Variants in ZZEF1 observed in about 807,000 individuals in gnomAD.
The protein encoded by ZZEF1 is zinc finger ZZ-type and EF-hand domain-containing protein 1.
In ZZEF1, 157 loss-of-function variants were observed where a neutral mutation model predicts 342.8. That is an observed-to-expected ratio of 0.46 (90% CI 0.40 to 0.52). The LOEUF is 0.52. Ranked by LOEUF, ZZEF1 falls within the 20% of genes least tolerant of loss-of-function variation. The probability of loss-of-function intolerance (pLI) is 0.00; values close to 1 mark genes in which losing one functional copy is unlikely to be tolerated. For synonymous variants in ZZEF1, 1,505 were observed against 1,429.1 expected (o/e 1.05, Z -1.20); for missense variants, 3,480 against 3,725.6 (o/e 0.93, Z 1.72).
intron 33 of ZZEF1, among the ~76,000 whole-genome samples, chr17:4,056,006 C>T (rs140125845): frequency 3.9e-5 from 6 of 152,218 alleles, no homozygotes; most frequent in Admixed American, 6.5e-5. Context: ...CGCAGCTGAT[C>T]GGACAGGAGG....
At position 4,074,130 on chromosome 17, in the gene ZZEF1, G is replaced by T; in HGVS notation, c.3685+20C>A. 1 of 1,612,620 alleles carries T rather than the reference G, an allele frequency of 6.2e-7. No individual in the cohort carries two copies. Among genetic ancestry groups the T allele is most frequent in the Non-Finnish European group, 8.5e-7 (1 of 1,179,456 alleles). ...TTCACCGTGGTTGTAAGAAGGGAAA[G>T]CACAGGGATGTGCACTTACGGCGCA... On this transcript the variant is annotated intron_variant, in intron 24 of 54. Transcript: ENST00000381638.
In ZZEF1 at chr17:4,058,153, G is replaced by A; in HGVS notation, c.5006C>T (p.Ser1669Phe). 6.2e-7 allele frequency: 1 copy of A among 1,611,846 alleles called. No homozygotes were observed. Among genetic ancestry groups the A allele is most frequent in the Non-Finnish European group, 8.5e-7 (1 of 1,178,882 alleles). ...VKGFSSLNDR[S>F]LLPALSCVQT... The stretch of plus-strand genomic sequence containing the variant: ...AACACAGGATAAGGCAGGGAGCAAG[G>A]ACCTAAAGGGCCATGAAAGTGACCA... Residue 1669 changes from serine (S) to phenylalanine (F), a missense_variant and splice_region_variant, in exon 32 of 55, where the codon TCC becomes TTC. Around this residue, in one of 5 missense-constraint regions of ZZEF1, gnomAD observed 1,528 missense variants for 1,624.1 expected, o/e 0.94. Coordinates refer to ENST00000381638, the MANE Select transcript of ZZEF1 (RefSeq NM_015113.4).
At chr17:4,024,504 C>A (rs1403938649) in intron 43 of ZZEF1, among the ~76,000 whole-genome samples, 1 of 152,000 alleles carries the variant, frequency 6.6e-6, no homozygotes, top group East Asian at 1.9e-4. Flanking sequence ...TGGCCATCGC[C>A]CAGCTTTTCA....
chr17:4,086,512 T>C lies in ZZEF1; in HGVS notation c.2486A>G (p.Lys829Arg), dbSNP rs1312568288. 6.2e-7 allele frequency: 1 copy of C among 1,614,222 alleles called. No individual in the cohort carries two copies. Among genetic ancestry groups the C allele is most frequent in the Non-Finnish European group, 8.5e-7 (1 of 1,180,032 alleles). ...ATCACACAAGTGTGTGTACAGCTCC[T>C]TGGCAGCCTCTACTCCTTTAGGGCT... Reference protein sequence around the residue: ...IQSPKGVEAAKELYTHLCDVV... With the variant: ...IQSPKGVEAARELYTHLCDVV... The change falls in exon 15 of 55, where the codon AAG becomes AGG. Residue 829 changes from lysine to arginine, a missense_variant. Coordinates refer to ENST00000381638, the MANE Select transcript of ZZEF1 (RefSeq NM_015113.4).
At chr17:4,026,944 T>C (rs1284941493) in intron 42 of ZZEF1, among the ~76,000 whole-genome samples, 3 of 152,162 alleles carry the variant, frequency 2.0e-5, no homozygotes, top group Non-Finnish European at 4.4e-5. Flanking sequence ...AACTGAGAGA[T>C]TATGTCACGG....
intron 15 of ZZEF1, among the ~76,000 whole-genome samples, 141 bp downstream of exon 15, chr17:4,086,320 TCCCTTTCTGGGGGATTCCCACAGCG>T (rs2057822204): frequency 1.5e-5 from 2 of 136,260 alleles, no homozygotes; most frequent in East Asian, 4.1e-4. Context: ...ACAGCGGCAA[TCCCTTTCTGGGGGATTCCCACAGCG>T]GCAATCCCTT....
chr17:4,015,837 T>A (rs2056086396), intron 49 of ZZEF1, among the ~76,000 whole-genome samples: 1 of 152,202 alleles, frequency 6.6e-6, no homozygotes, highest in Non-Finnish European at 1.5e-5. Flanking sequence ...TCCTGCCTCA[T>A]CAAAATGCCT....
At chr17:4,139,853 T>C (rs950470568) in intron 1 of ZZEF1, among the ~76,000 whole-genome samples, 3 of 152,152 alleles carry the variant, frequency 2.0e-5, no homozygotes, top group African/African-American at 7.2e-5. Context: ...AAGCCCTGAG[T>C]TTTAGCTGAA....
chr17:4,099,685 A>G (rs1454400494), intron 9 of ZZEF1, among the ~76,000 whole-genome samples: 3 of 151,842 alleles, frequency 2.0e-5, no homozygotes, highest in Admixed American at 2.0e-4. Flanking sequence ...AGCTGGGACT[A>G]CAAGTGCCTG....
intron 23 of ZZEF1, 63 bp downstream of exon 23, chr17:4,075,034 A>G: frequency 6.4e-7 from 1 of 1,553,016 alleles, no homozygotes; most frequent in Non-Finnish European, 8.9e-7. Flanking sequence ...TGCCCCCTGA[A>G]GGCTGACAAA....
At chr17:4,066,720 T>C (rs1297188760) in intron 27 of ZZEF1, among the ~76,000 whole-genome samples, 180 bp from the exon 28 acceptor site, 1 of 152,198 alleles carries the variant, frequency 6.6e-6, no homozygotes, top group African/African-American at 2.4e-5. Context: ...ACACTGGTGC[T>C]GCAGGGGGCT....
In ZZEF1 at chr17:4,009,741, C is replaced by T; in HGVS notation, c.8596G>A (p.Ala2866Thr). 3 of 1,614,066 alleles carry T rather than the reference C, an allele frequency of 1.9e-6. No individual in the cohort carries two copies. Among genetic ancestry groups the T allele is most frequent in the East Asian group, 2.2e-5 (1 of 44,880 alleles). The change falls in exon 53 of 55, where the codon GCG (alanine) becomes ACG (threonine). Residue 2866 changes from alanine to threonine, a missense_variant. This residue lies in a region of ZZEF1 where 1,269 missense variants were observed against 1,342.4 expected (regional missense o/e 0.95). Coordinates refer to ENST00000381638, the MANE Select transcript of ZZEF1 (RefSeq NM_015113.4). ...CCGHSDLCDL[A>T]LLKPLWQLFT... is the part of the protein sequence containing the mutation. ...AGCTGCCACAGGGGCTTCAACAGCG[C>T]AAGGTCACACAGGTCACTGCAGGAG...
chr17:4,097,926 C>CAAAAAAAAA (rs541461547), intron 9 of ZZEF1, among the ~76,000 whole-genome samples: 2 of 63,668 alleles, frequency 3.1e-5, no homozygotes, highest in Non-Finnish European at 6.0e-5. Context: ...CCATTTCTAC[C>CAAAAAAAAA]AAAAAAAAAA....
intron 7 of ZZEF1, among the ~76,000 whole-genome samples, chr17:4,105,457 TCCCCTTGGGCCCTG>T (rs1025529604): frequency 6.6e-6 from 1 of 152,162 alleles, no homozygotes; most frequent in Admixed American, 6.5e-5. Context: ...ACAGGACTAC[TCCCCTTGGGCCCTG>T]CAACACCCCT....
At chr17:4,007,032 G>A in intron 54 of ZZEF1, 62 bp from the exon 55 acceptor site, 1 of 1,432,334 alleles carries the variant, frequency 7.0e-7, no homozygotes, top group Non-Finnish European at 9.5e-7. Flanking sequence ...AGTGAGTGCT[G>A]ATAAGACCCT....
At position 4,054,065 on chromosome 17, in the gene ZZEF1, C is replaced by T; in HGVS notation, c.5426G>A (p.Cys1809Tyr). Residue 1809 changes from cysteine to tyrosine, a missense_variant, in exon 34 of 55, where the codon TGC becomes TAC. Coordinates refer to ENST00000381638, the MANE Select transcript of ZZEF1 (RefSeq NM_015113.4). Reference sequence around the variant, plus strand: ...CAGTTCATGAAATTTACCTAGGAAGCAAGTTTTGCAGAGATCCATGTCGCT... The same window carrying T: ...CAGTTCATGAAATTTACCTAGGAAGTAAGTTTTGCAGAGATCCATGTCGCT... ...QCSDMDLCKT[C>Y]FLGGVKPEGH... The T allele has an allele frequency of 6.2e-7, 1 of 1,609,936 alleles. No homozygotes were observed. The highest frequency in any genetic ancestry group is 8.5e-7 in the Non-Finnish European group (1 of 1,177,710).
intron 52 of ZZEF1, among the ~76,000 whole-genome samples, chr17:4,011,744 G>C (rs1367960407): frequency 1.3e-5 from 2 of 151,906 alleles, no homozygotes; most frequent in South Asian, 2.1e-4. Flanking sequence ...AAAAATTATT[G>C]TGTATATTTA....
intron 1 of ZZEF1, among the ~76,000 whole-genome samples, chr17:4,136,209 G>A (rs1010446216): frequency 6.7e-6 from 1 of 150,020 alleles, no homozygotes; most frequent in Non-Finnish European, 1.5e-5. Flanking sequence ...CCAGACATGG[G>A]GGCAGGTGCC....
At chr17:4,057,515 C>A (rs930105633) in intron 32 of ZZEF1, among the ~76,000 whole-genome samples, 1 of 152,122 alleles carries the variant, frequency 6.6e-6, no homozygotes, top group Non-Finnish European at 1.5e-5. Context: ...GGGAAAAAAC[C>A]CTTCATACAT....
Sources: gnomAD v4.1 joint callset for allele counts (sites outside exome capture counted in the v4.1 genomes callset) on GRCh38, gnomAD v4.1.1 for gene constraint, gnomAD v4.1.1 regional missense constraint, MANE v1.5 for transcripts, NCBI Gene and HGNC (gene_info 2026-07-23, HGNC 2026-07-21) for gene names.